The following KCNH7 variants were observed in gnomAD, a reference collection of about 807,000 sequenced individuals.
The protein encoded by KCNH7 is voltage-gated inwardly rectifying potassium channel KCNH7.
In KCNH7, 49 loss-of-function variants were observed where a neutral mutation model predicts 120.8. That is an observed-to-expected ratio of 0.41 (90% confidence interval 0.32 to 0.51). KCNH7 has a LOEUF of 0.51. KCNH7 is among the 20% of genes least tolerant of loss of function. KCNH7 has a pLI of 0.38. For missense variants in KCNH7, 1,097 were observed against 1,446.6 expected, an observed-to-expected ratio of 0.76 and a Z score of 3.92; for synonymous variants, 547 against 516.1, an observed-to-expected ratio of 1.06 and a Z score of -0.81.
chr2:162,379,985 G>A lies in KCNH7; in HGVS notation c.2999C>T (p.Ala1000Val). ...ACTGGAGTCTTCAGGCTGGGGATGT[G>A]CATTTTCTCGTTCCCAGCTTCGCAT... ...TDMRSWEREN[A>V]HPQPEDSSPS... The change falls in exon 14 of 16, where the codon GCA (alanine) becomes GTA (valine). Residue 1000 changes from alanine (A) to valine (V), a missense_variant. Transcript: ENST00000332142. 6.2e-7 allele frequency: 1 copy of A among 1,614,006 alleles called. No homozygotes were observed. The highest frequency in any genetic ancestry group is 8.5e-7 in the Non-Finnish European group (1 of 1,179,922).
chr2:162,815,983 G>A (rs1215147322), intron 2 of KCNH7, among the ~76,000 whole-genome samples: 1 of 151,900 alleles, frequency 6.6e-6, no homozygotes, highest in Non-Finnish European at 1.5e-5. Context: ...TTACGGCAGG[G>A]TGCAGTGGCC....
intron 2 of KCNH7, among the ~76,000 whole-genome samples, chr2:162,805,122 T>TA (rs970817745): frequency 3.3e-5 from 5 of 151,644 alleles, no homozygotes; most frequent in African/African-American, 4.8e-5. Context: ...GTCTTGAAAC[T>TA]AAAAAATTAT....
chr2:162,579,551 A>G (rs1454606867), intron 2 of KCNH7, among the ~76,000 whole-genome samples: 1 of 152,044 alleles, frequency 6.6e-6, no homozygotes, highest in East Asian at 1.9e-4. Context: ...TACGGGTTTC[A>G]GGACAAAAAC....
intron 2 of KCNH7, among the ~76,000 whole-genome samples, chr2:162,736,221 ACTT>A (rs1687905214): frequency 6.6e-6 from 1 of 152,168 alleles, no homozygotes; most frequent in African/African-American, 2.4e-5. Context: ...GACTAAGAAA[ACTT>A]CTCATGCAAT....
Position 162,836,787 on chromosome 2 carries a change from T to C in KCNH7, c.77-20A>G. The C allele has an allele frequency of 1.3e-6, 2 of 1,554,432 alleles. No homozygotes were observed. Among genetic ancestry groups the C allele is most frequent in the Non-Finnish European group, 1.8e-6 (2 of 1,127,674 alleles). ...TTTTATCTGTAATAAGAAGACAGTA[T>C]GGCATCTTTGAAAAAGCTTCCACAA... On this transcript the variant is annotated intron_variant, in intron 1 of 15. Transcript: ENST00000332142.
intron 2 of KCNH7, among the ~76,000 whole-genome samples, chr2:162,619,622 G>A (rs1201018701): frequency 1.3e-5 from 2 of 151,872 alleles, no homozygotes; most frequent in Non-Finnish European, 2.9e-5. Context: ...CTCCCAAAGA[G>A]ACCCTTTTTA....
At chr2:162,575,364 T>C (rs1434247855) in intron 2 of KCNH7, among the ~76,000 whole-genome samples, 3 of 152,108 alleles carry the variant, frequency 2.0e-5, no homozygotes, top group African/African-American at 4.8e-5. Context: ...CTTGATCCTC[T>C]AGAATATTCT....
At chr2:162,625,433 T>C (rs1361906227) in intron 2 of KCNH7, among the ~76,000 whole-genome samples, 1 of 152,178 alleles carries the variant, frequency 6.6e-6, no homozygotes, top group Non-Finnish European at 1.5e-5. Context: ...TTCCTGTTAT[T>C]ATTTTCTTAC....
At chr2:162,576,016 G>T (rs1193924179) in intron 2 of KCNH7, among the ~76,000 whole-genome samples, 1 of 151,956 alleles carries the variant, frequency 6.6e-6, no homozygotes, top group Non-Finnish European at 1.5e-5. Context: ...ACATAATTTG[G>T]GTTTGATTTA....
intron 2 of KCNH7, among the ~76,000 whole-genome samples, chr2:162,800,379 C>T (rs1278783836): frequency 6.6e-6 from 1 of 151,644 alleles, no homozygotes; most frequent in Non-Finnish European, 1.5e-5. Flanking sequence ...GGTCTTTTTA[C>T]TGAAAGTCTT....
Position 162,838,579 on chromosome 2 carries a change from C to A in KCNH7, c.-61G>T. The A allele has an allele frequency of 7.1e-7, 1 of 1,410,316 alleles. No individual in the cohort carries two copies. Among genetic ancestry groups the A allele is most frequent in the Admixed American group, 1.8e-5 (1 of 56,454 alleles). 87.4% of individuals were successfully genotyped at this position (1,410,316 alleles called of 1,614,324 possible). On this transcript the variant is annotated 5_prime_UTR_variant, in exon 1 of 16. Transcript: ENST00000332142. ...GCTCTGGAGTTCTCCCGGGATCTCT[C>A]CTCGGCTAGAGCCCAGGCCAGCGCG...
intron 2 of KCNH7, among the ~76,000 whole-genome samples, chr2:162,554,824 C>A (rs1019291260): frequency 7.9e-5 from 12 of 152,158 alleles, no homozygotes; most frequent in Admixed American, 6.5e-5. Context: ...TCTTCAGAGT[C>A]CATTTTGCTA....
intron 6 of KCNH7, among the ~76,000 whole-genome samples, chr2:162,471,107 G>A (rs1253230567): frequency 6.6e-6 from 1 of 152,144 alleles, no homozygotes; most frequent in African/African-American, 2.4e-5. Flanking sequence ...CACAAACACT[G>A]CGGAGGGCCG....
chr2:162,505,994 T>C (rs1690868870), intron 5 of KCNH7, among the ~76,000 whole-genome samples: 1 of 151,924 alleles, frequency 6.6e-6, no homozygotes, highest in South Asian at 2.1e-4. Flanking sequence ...AATCACACTA[T>C]ACTTGTTCAT....
chr2:162,450,056 T>C (rs1688715678), intron 6 of KCNH7, among the ~76,000 whole-genome samples: 1 of 152,106 alleles, frequency 6.6e-6, no homozygotes, highest in African/African-American at 2.4e-5. Context: ...AAGTATGTTG[T>C]CAGAGTAGTA....
At chr2:162,755,818 G>GA (rs1024569515) in intron 2 of KCNH7, among the ~76,000 whole-genome samples, 9 of 151,462 alleles carry the variant, frequency 5.9e-5, no homozygotes, top group East Asian at 1.9e-4. Context: ...ATATATTTTG[G>GA]AAAAAAAATC....
chr2:162,519,533 C>CT (rs140638319), intron 3 of KCNH7, among the ~76,000 whole-genome samples: 2 of 151,574 alleles, frequency 1.3e-5, no homozygotes, highest in African/African-American at 2.4e-5. Flanking sequence ...CTTTATGTAT[C>CT]TTTTTTTATG....
intron 2 of KCNH7, among the ~76,000 whole-genome samples, chr2:162,602,333 T>C (rs1383393474): frequency 6.6e-6 from 1 of 152,086 alleles, no homozygotes; most frequent in Admixed American, 6.6e-5. Context: ...TGAGGCATGG[T>C]GGCTGATGGG....
At chr2:162,411,294 T>C (rs1687385619) in intron 9 of KCNH7, among the ~76,000 whole-genome samples, 1 of 152,054 alleles carries the variant, frequency 6.6e-6, no homozygotes, top group Non-Finnish European at 1.5e-5. Flanking sequence ...AGAATGAAAT[T>C]ATGTCCTTTG....
Sources: allele counts gnomAD v4.1 joint callset (sites outside exome capture counted in the v4.1 genomes callset), GRCh38; gene constraint gnomAD v4.1.1; transcripts MANE v1.5; gene names NCBI Gene and HGNC (gene_info 2026-07-23, HGNC 2026-07-21).